Variants in CHN2 observed in about 807,000 individuals in gnomAD.
The protein encoded by CHN2 is chimerin 2, also known as beta-chimaerin.
In CHN2, 35 loss-of-function variants were observed where a neutral mutation model predicts 56.3. That is an observed-to-expected ratio of 0.62 (90% confidence interval 0.47 to 0.82). The LOEUF (loss-of-function observed/expected upper bound fraction) is 0.82. Ranked by LOEUF, CHN2 falls within the 40% of genes least tolerant of loss-of-function variation. The pLI, the probability that CHN2 is intolerant of heterozygous loss-of-function variation, is 0.00. For missense variants in CHN2, 491 were observed against 580.5 expected, an observed-to-expected ratio of 0.85 and a Z score of 1.58; for synonymous variants, 210 against 212.8, an observed-to-expected ratio of 0.99 and a Z score of 0.12.
intron 7 of CHN2, among the ~76,000 whole-genome samples, chr7:29,488,664 T>C (rs1788308635): frequency 6.6e-6 from 1 of 152,128 alleles, no homozygotes; most frequent in Admixed American, 6.5e-5. Context: ...CCACTGCTTC[T>C]CAATAAAGGA....
chr7:29,333,937 T>G (rs935779972), intron 1 of CHN2, among the ~76,000 whole-genome samples: 15 of 152,288 alleles, frequency 9.8e-5, no homozygotes, highest in Non-Finnish European at 1.9e-4. Flanking sequence ...GTCCTGCAGT[T>G]CTGGACATTT....
At chr7:29,366,489 T>C (rs1047618745) in intron 2 of CHN2, among the ~76,000 whole-genome samples, 4 of 152,176 alleles carry the variant, frequency 2.6e-5, no homozygotes, top group African/African-American at 9.7e-5. Flanking sequence ...TGCCAATTGG[T>C]TGATGATCTT....
At chr7:29,496,679 T>G (rs989912301) in intron 8 of CHN2, among the ~76,000 whole-genome samples, 2 of 152,224 alleles carry the variant, frequency 1.3e-5, no homozygotes, top group African/African-American at 4.8e-5. Context: ...TCACATATTT[T>G]CAAAGTAGTT....
intron 2 of CHN2, among the ~76,000 whole-genome samples, chr7:29,366,979 A>G (rs1217305481): frequency 6.6e-6 from 1 of 152,196 alleles, no homozygotes; most frequent in Non-Finnish European, 1.5e-5. Flanking sequence ...CATTTTCTAG[A>G]AAGACTTTAT....
chr7:29,280,260 T>G (rs1426069801), intron 1 of CHN2, among the ~76,000 whole-genome samples: 3 of 151,986 alleles, frequency 2.0e-5, no homozygotes, highest in African/African-American at 7.3e-5. Flanking sequence ...GGTGGGCGCC[T>G]GTAGTCCCAG....
chr7:29,220,048 C>T (rs1448333850), intron 1 of CHN2, among the ~76,000 whole-genome samples: 1 of 151,274 alleles, frequency 6.6e-6, no homozygotes, highest in Non-Finnish European at 1.5e-5. Context: ...GCACCTCAGC[C>T]TGGGTGACAG....
At chr7:29,433,556 G>T (rs1271052441) in intron 6 of CHN2, among the ~76,000 whole-genome samples, 1 of 152,196 alleles carries the variant, frequency 6.6e-6, no homozygotes, top group African/African-American at 2.4e-5. Flanking sequence ...ACCTTACAGG[G>T]CCGGGTGCAG....
chr7:29,153,222 T>C (rs1329983387), intron 2 of CHN2, among the ~76,000 whole-genome samples: 1 of 152,230 alleles, frequency 6.6e-6, no homozygotes, highest in Non-Finnish European at 1.5e-5. Flanking sequence ...ATATGGTATG[T>C]GGGCCTCTGT....
chr7:29,426,084 C>T (rs973058048), intron 6 of CHN2, among the ~76,000 whole-genome samples: 1 of 151,512 alleles, frequency 6.6e-6, no homozygotes, highest in Non-Finnish European at 1.5e-5. Context: ...TGAGGCATGC[C>T]TGTAATCCCA....
chr7:29,498,075 T>C (rs546536762), intron 8 of CHN2, among the ~76,000 whole-genome samples: 3 of 152,284 alleles, frequency 2.0e-5, no homozygotes, highest in Non-Finnish European at 4.4e-5. Context: ...AACAAAAAAA[T>C]TTAAATGAAG....
chr7:29,447,068 C>T (rs1443745186), intron 6 of CHN2, among the ~76,000 whole-genome samples: 1 of 152,142 alleles, frequency 6.6e-6, no homozygotes, highest in Non-Finnish European at 1.5e-5. Context: ...CAGCGCCTGG[C>T]AAGGTAAAAT....
At chr7:29,484,474 T>G (rs1787728151) in intron 7 of CHN2, among the ~76,000 whole-genome samples, 1 of 152,208 alleles carries the variant, frequency 6.6e-6, no homozygotes, top group Non-Finnish European at 1.5e-5. Flanking sequence ...CTCTCCTAGC[T>G]TCTTGTGGTT....
At chr7:29,499,467 A>G (rs1391859819) in intron 8 of CHN2, among the ~76,000 whole-genome samples, 3 of 152,186 alleles carry the variant, frequency 2.0e-5, no homozygotes, top group Admixed American at 2.0e-4. Flanking sequence ...TCAAGAGCTT[A>G]AAGGAAAGAG....
intron 6 of CHN2, among the ~76,000 whole-genome samples, chr7:29,417,672 A>G (rs1422401609): frequency 3.3e-5 from 5 of 152,216 alleles, no homozygotes; most frequent in African/African-American, 7.2e-5. Flanking sequence ...GTTCAAACTA[A>G]TATCTATTTA....
At chr7:29,266,101 G>A (rs1790118717) in intron 1 of CHN2, among the ~76,000 whole-genome samples, 1 of 152,222 alleles carries the variant, frequency 6.6e-6, no homozygotes, top group African/African-American at 2.4e-5. Context: ...TGTCAAAGAT[G>A]TGTGTAAAAT....
chr7:29,411,850 C>G (rs1803246046), intron 6 of CHN2, among the ~76,000 whole-genome samples: 1 of 152,180 alleles, frequency 6.6e-6, no homozygotes, highest in East Asian at 1.9e-4. Context: ...GCCCCCGTCT[C>G]TGGATGTTCC....
At chr7:29,302,114 GTCTC>G (rs1004536513) in intron 1 of CHN2, among the ~76,000 whole-genome samples, 1 of 152,234 alleles carries the variant, frequency 6.6e-6, no homozygotes, top group Non-Finnish European at 1.5e-5. Flanking sequence ...ACCCGTGGCT[GTCTC>G]TCTCTAACAG....
chr7:29,404,605 A>G (rs1802481614), intron 6 of CHN2, among the ~76,000 whole-genome samples: 1 of 152,206 alleles, frequency 6.6e-6, no homozygotes, highest in Non-Finnish European at 1.5e-5. Flanking sequence ...ATATGGGCTG[A>G]TGTGGAATGG....
intron 1 of CHN2, among the ~76,000 whole-genome samples, chr7:29,336,700 C>T (rs1478723455): frequency 8.1e-6 from 1 of 122,712 alleles, no homozygotes; most frequent in Non-Finnish European, 1.6e-5. Flanking sequence ...TCTGAGTTTA[C>T]AATGAACCAT....
Sources: allele counts gnomAD v4.1 joint callset (sites outside exome capture counted in the v4.1 genomes callset), GRCh38; gene constraint gnomAD v4.1.1; transcripts MANE v1.5; gene names NCBI Gene and HGNC (gene_info 2026-07-23, HGNC 2026-07-21).